USP24: variants seen among roughly 807,000 people sequenced by gnomAD.
USP24 encodes ubiquitin carboxyl-terminal hydrolase 24.
Under a neutral mutation model 361.6 loss-of-function variants are expected in USP24, and 97 were observed. The ratio of observed to expected loss-of-function variants is 0.27; its 90% CI spans 0.23 to 0.32. The LOEUF (loss-of-function observed/expected upper bound fraction) is 0.32, where lower values mean the gene tolerates loss of function less well. USP24 is among the 10% of genes least tolerant of loss of function. The probability of loss-of-function intolerance (pLI) is 1.00; values close to 1 mark genes in which losing one functional copy is unlikely to be tolerated. For missense variants in USP24, 2,353 were observed against 3,165.6 expected (o/e 0.74, Z 6.16); for synonymous variants, 1,098 against 1,124.6 (o/e 0.98, Z 0.47).
At chr1:55,102,689 TA>T (rs200095828) in intron 42 of USP24, among the ~76,000 whole-genome samples, 29 of 146,880 alleles carry the variant, frequency 2.0e-4, no homozygotes, top group African/African-American at 5.2e-4. Context: ...AGCATAGATT[TA>T]AAAAAAAAAA....
rs765241870 is a variant in USP24 at position 55,147,725 on chromosome 1, C to A, written c.2042G>T (p.Arg681Leu). ...AGGCCCGGCCACAGCAGCTGCAAGC[C>A]GATGACAAGCGATCAAACTTCCCGT... Reference protein sequence around the residue: ...LVTGSLIACHRLAAAVAGPGG... With the variant: ...LVTGSLIACHLLAAAVAGPGG... The change falls in exon 18 of 68, where the codon CGG (arginine) becomes CTG (leucine). Residue 681 changes from arginine (R) to leucine (L), a missense_variant. Physicochemically the swap from Arg to Leu is moderately radical, Grantham distance 102. Around this residue, in one of 8 missense-constraint regions of USP24, gnomAD observed 949 missense variants for 1,280.5 expected, o/e 0.74. Transcript: ENST00000294383. 27 of 1,612,506 alleles carry A rather than the reference C, an allele frequency of 1.7e-5. 1 individual carries two copies. The South Asian group carries it at 2.9e-4, about 17-fold the overall frequency.
intron 18 of USP24, 72 bp downstream of exon 18, chr1:55,147,577 T>A: frequency 7.1e-7 from 1 of 1,409,960 alleles, no homozygotes; most frequent in Non-Finnish European, 9.3e-7. Context: ...ACAAAAATTC[T>A]TTTTATAGTA....
Position 55,070,430 on chromosome 1 carries a change from G to A in USP24, c.7801-1323C>T, listed in dbSNP as rs764254956. 5.9e-5 allele frequency among the ~76,000 whole-genome samples: 9 copies of A among 152,336 alleles called. No individual in the cohort carries two copies. In the Middle Eastern group the frequency reaches 0.01, roughly 173 times the overall value. The stretch of plus-strand genomic sequence containing the variant: ...AGGGTTTGAGGAAAACTACGAGAGA[G>A]AAGTGTCAGGAAAGCCCTGGAATAG... On this transcript the variant is annotated intron_variant, in intron 67 of 67. Coordinates refer to ENST00000294383, the MANE Select transcript of USP24 (RefSeq NM_015306.3).
chr1:55,204,706 AAT>A (rs1644660753), intron 1 of USP24, among the ~76,000 whole-genome samples: 1 of 152,202 alleles, frequency 6.6e-6, no homozygotes, highest in Non-Finnish European at 1.5e-5. Flanking sequence ...ACAGAAAAGA[AAT>A]ATGTCTGATT....
chr1:55,194,047 C>A (rs1400790736), intron 1 of USP24, among the ~76,000 whole-genome samples: 2 of 152,098 alleles, frequency 1.3e-5, no homozygotes, highest in Non-Finnish European at 2.9e-5. Flanking sequence ...GGCAAAAATG[C>A]TTTTACAAAA....
At chr1:55,178,635 C>T (rs940157122) in intron 1 of USP24, among the ~76,000 whole-genome samples, 1 of 151,072 alleles carries the variant, frequency 6.6e-6, no homozygotes, top group African/African-American at 2.4e-5. Flanking sequence ...GAGATTGCAC[C>T]ACTGTACTCC....
At chr1:55,091,950 T>G (rs1645386681) in intron 54 of USP24, 73 bp downstream of exon 54, 3 of 1,138,604 alleles carry the variant, frequency 2.6e-6, no homozygotes, top group Non-Finnish European at 1.3e-6. Flanking sequence ...ATATTTTAAT[T>G]ATAAATTCAA....
At chr1:55,177,821 CT>C in intron 2 of USP24, 145 bp downstream of exon 2, 2 of 710,968 alleles carry the variant, frequency 2.8e-6, no homozygotes, top group Non-Finnish European at 4.4e-6. Flanking sequence ...TGGTTCAAAG[CT>C]TTTCTTCTGC....
At position 55,103,906 on chromosome 1, in the gene USP24, C is replaced by A. The variant is rs1403274813; in HGVS notation, c.4995G>T (p.Gln1665His). 6.2e-7 allele frequency: 1 copy of A among 1,613,040 alleles called. No homozygotes were observed. The highest frequency in any genetic ancestry group is 8.5e-7 in the Non-Finnish European group (1 of 1,179,464). The change falls in exon 42 of 68, where the codon CAG becomes CAT. Residue 1665 changes from glutamine to histidine, a missense_variant. Gln to His is a conservative substitution (Grantham distance 24). Around this residue, in one of 8 missense-constraint regions of USP24, gnomAD observed 949 missense variants for 1,280.5 expected, o/e 0.74. Coordinates refer to ENST00000294383, the MANE Select transcript of USP24 (RefSeq NM_015306.3). ...IIKELLSMHH[Q>H]PDPALTKEFD... ...ACTCCTTGGTAAGAGCAGGGTCAGG[C>A]TGGTGATGCATAGAAAGCAGTTCTT...
intron 7 of USP24, 122 bp downstream of exon 7, chr1:55,165,763 C>A (rs1648768457): frequency 1.4e-6 from 1 of 718,594 alleles, no homozygotes; most frequent in Admixed American, 3.9e-5. Context: ...GGAATCTGCT[C>A]CTCTAAAGAT....
rs558629343 is a variant in USP24, at chr1:55,144,807, G to A, written c.2363-604C>T. Among the ~76,000 whole-genome samples, 41 of 152,106 alleles carry A rather than the reference G, an allele frequency of 2.7e-4. No individual in the cohort carries two copies. In the Middle Eastern group the frequency reaches 0.014, roughly 50 times the overall value. Reference sequence around the variant, plus strand: ...AAATTAGCCAGGCATGGTGGCATGCGCCTATAATCCCAGCTACTCGGGAAG... The same window carrying A: ...AAATTAGCCAGGCATGGTGGCATGCACCTATAATCCCAGCTACTCGGGAAG... On this transcript the variant is annotated intron_variant, in intron 20 of 67. Transcript: ENST00000294383.
intron 5 of USP24, among the ~76,000 whole-genome samples, chr1:55,168,076 A>C (rs1288693654): frequency 1.3e-5 from 2 of 152,176 alleles, no homozygotes; most frequent in African/African-American, 2.4e-5. Flanking sequence ...AACTGGATAG[A>C]GGTGAAGGAG....
chr1:55,174,394 T>C (rs1041002467), intron 3 of USP24, among the ~76,000 whole-genome samples: 6 of 152,206 alleles, frequency 3.9e-5, no homozygotes, highest in Admixed American at 6.5e-5. Flanking sequence ...GTATGCCTAA[T>C]TGACGGGGAG....
chr1:55,143,866 T>G (rs1041810259), intron 21 of USP24, among the ~76,000 whole-genome samples: 2 of 152,034 alleles, frequency 1.3e-5, no homozygotes, highest in Non-Finnish European at 2.9e-5. Context: ...CCACTGGCTG[T>G]CCCTAGATCA....
In USP24 at chr1:55,097,112, A is replaced by G; in HGVS notation, c.5776T>C (p.Ser1926Pro). The G allele has an allele frequency of 6.2e-7, 1 of 1,613,970 alleles. No homozygotes were observed. Among genetic ancestry groups the G allele is most frequent in the Non-Finnish European group, 8.5e-7 (1 of 1,179,882 alleles). Reference sequence around the variant, plus strand: ...CGCCCATTTTCCCCAACTTCAGAAGAAGAATCTTGGCGAGCCATTCCTGAA... The same window carrying G: ...CGCCCATTTTCCCCAACTTCAGAAGGAGAATCTTGGCGAGCCATTCCTGAA... ...TVSGMARQDS[S>P]SEVGENGRSV... Residue 1926 changes from serine (S) to proline (P), a missense_variant, in exon 49 of 68, where the codon TCT becomes CCT. Ser to Pro is a moderately conservative substitution (Grantham distance 74). Coordinates refer to ENST00000294383, the MANE Select transcript of USP24 (RefSeq NM_015306.3).
intron 1 of USP24, among the ~76,000 whole-genome samples, chr1:55,212,613 T>C (rs763910320): frequency 1.3e-5 from 2 of 152,182 alleles, no homozygotes; most frequent in Non-Finnish European, 2.9e-5. Flanking sequence ...GACCAAGAAG[T>C]TCCATAGGTG....
chr1:55,147,334 C>T (rs1028544690), intron 18 of USP24, among the ~76,000 whole-genome samples: 2 of 152,036 alleles, frequency 1.3e-5, no homozygotes, highest in African/African-American at 4.8e-5. Context: ...AAACTCACAA[C>T]TGGTGAGTTA....
Position 55,129,508 on chromosome 1 carries a change from A to G in USP24, c.3604T>C (p.Cys1202Arg). ...CCGCCAGCTTTGAGGAAGTTTTCACAGAAGGATTTGGCACAGCTTCTGGCC... is the reference window on the plus strand; with the variant it reads ...CCGCCAGCTTTGAGGAAGTTTTCACGGAAGGATTTGGCACAGCTTCTGGCC... Reference protein sequence around the residue: ...DMARSCAKSFCENFLKAGGLS... With the variant: ...DMARSCAKSFRENFLKAGGLS... Residue 1202 changes from cysteine to arginine, a missense_variant, in exon 32 of 68, where the codon TGT (cysteine) becomes CGT (arginine). Coordinates refer to ENST00000294383, the MANE Select transcript of USP24 (RefSeq NM_015306.3). 1.9e-6 allele frequency: 3 copies of G among 1,613,932 alleles called. No homozygotes were observed. Among genetic ancestry groups the G allele is most frequent in the Non-Finnish European group, 2.5e-6 (3 of 1,179,834 alleles).
chr1:55,076,194 A>G (rs965912839), intron 62 of USP24, among the ~76,000 whole-genome samples: 3 of 152,222 alleles, frequency 2.0e-5, no homozygotes, highest in Admixed American at 1.3e-4. Flanking sequence ...TAACTTGCTT[A>G]GTAAAAATGT....
Sources: allele counts gnomAD v4.1 joint callset (sites outside exome capture counted in the v4.1 genomes callset), GRCh38; gene constraint gnomAD v4.1.1; regional missense constraint gnomAD v4.1.1; transcripts MANE v1.5; gene names NCBI Gene and HGNC (gene_info 2026-07-23, HGNC 2026-07-21).